Variants in ABCC8 observed in about 807,000 individuals in gnomAD.
ABCC8 encodes ATP-binding cassette sub-family C member 8.
ABCC8 carries 137 observed loss-of-function variants against 188.0 expected under a neutral mutation model. The observed-to-expected ratio is 0.73, with a 90% CI of 0.63 to 0.84. The LOEUF is 0.84. Among genes scored for constraint, ABCC8 ranks in the 40% least tolerant of loss-of-function variants. The pLI is 0.00. For synonymous variants in ABCC8, 797 were observed against 846.5 expected (o/e 0.94, Z 1.01); for missense variants, 1,750 against 2,072.7 (o/e 0.84, Z 3.02).
chr11:17,445,011 G>A (rs140685888), intron 8 of ABCC8, among the ~76,000 whole-genome samples: 100 of 152,288 alleles, frequency 6.6e-4, no homozygotes, highest in African/African-American at 2.3e-3. Flanking sequence ...AAATGAAAAA[G>A]CTTCCTGAGA....
Position 17,463,607 on chromosome 11 carries a change from GC to G in ABCC8, c.413-4del. The G allele has an allele frequency of 6.4e-7, 1 of 1,570,528 alleles. No individual in the cohort carries two copies. Among genetic ancestry groups the G allele is most frequent in the Non-Finnish European group, 8.6e-7 (1 of 1,157,254 alleles). On this transcript the variant is annotated splice_region_variant and splice_polypyrimidine_tract_variant and intron_variant, in intron 3 of 38. Transcript: ENST00000389817. ...CAGGGTCCAATACACCAGCAGGGCT[GC>G]CGAGGAGAGATGGAAGATCGCAGAG...
intron 16 of ABCC8, among the ~76,000 whole-genome samples, chr11:17,424,122 C>T (rs548060884): frequency 3.9e-5 from 6 of 152,180 alleles, no homozygotes; most frequent in African/African-American, 1.2e-4. Flanking sequence ...AATGAGAACA[C>T]GTGGACACAG....
intron 16 of ABCC8, among the ~76,000 whole-genome samples, chr11:17,425,350 G>A (rs1025872992): frequency 2.6e-5 from 4 of 152,176 alleles, no homozygotes; most frequent in African/African-American, 7.2e-5. Flanking sequence ...TGCAGGAAAC[G>A]GGGGTGCATG....
chr11:17,428,429 AC>A (rs759210676), intron 13 of ABCC8, 24 bp from the exon 14 acceptor site: 3 of 1,609,688 alleles, frequency 1.9e-6, no homozygotes, highest in Non-Finnish European at 2.5e-6. Context: ...GGAGGTGAGG[AC>A]CCACTGGGCT....
chr11:17,435,462 G>T (rs1352884972), intron 10 of ABCC8, among the ~76,000 whole-genome samples: 1 of 152,180 alleles, frequency 6.6e-6, no homozygotes, highest in Non-Finnish European at 1.5e-5. Flanking sequence ...AGTTTTTTCA[G>T]CCACCCCATC....
intron 2 of ABCC8, among the ~76,000 whole-genome samples, chr11:17,471,753 A>T (rs1158082982): frequency 1.3e-5 from 2 of 152,248 alleles, no homozygotes; most frequent in Non-Finnish European, 1.5e-5. Flanking sequence ...TGACACACAC[A>T]CACAGGATGG....
chr11:17,457,236 A>G (rs114001401), intron 6 of ABCC8, among the ~76,000 whole-genome samples: 110 of 152,302 alleles, frequency 7.2e-4, no homozygotes, highest in African/African-American at 2.6e-3. Flanking sequence ...ATAGCCACAA[A>G]TATGGCAATC....
At chr11:17,395,317 T>TCC in intron 35 of ABCC8, 42 bp from the exon 36 acceptor site, 1 of 1,553,714 alleles carries the variant, frequency 6.4e-7, no homozygotes, top group Non-Finnish European at 8.7e-7. Context: ...GGGAGCAGGG[T>TCC]CCTGCCTGCA....
intron 8 of ABCC8, among the ~76,000 whole-genome samples, chr11:17,443,825 T>C (rs1200564516): frequency 6.6e-6 from 1 of 152,226 alleles, no homozygotes; most frequent in African/African-American, 2.4e-5. Context: ...ATCTGCCAGG[T>C]ATTCCCTGAA....
At chr11:17,428,228 G>A (rs1387696145) in intron 14 of ABCC8, 61 bp downstream of exon 14, 5 of 1,610,296 alleles carry the variant, frequency 3.1e-6, no homozygotes, top group Non-Finnish European at 4.2e-6. Context: ...TGGCTTTCCA[G>A]GTGCTGAGCT....
chr11:17,396,822 G>T, intron 33 of ABCC8, 94 bp downstream of exon 33: 1 of 1,513,920 alleles, frequency 6.6e-7, no homozygotes, highest in Admixed American at 1.8e-5. Context: ...GCCCTGGAGG[G>T]CCACGAGGTG....
intron 7 of ABCC8, among the ~76,000 whole-genome samples, chr11:17,450,978 C>T (rs953397602): frequency 5.3e-5 from 8 of 152,030 alleles, no homozygotes; most frequent in African/African-American, 9.7e-5. Flanking sequence ...TGAGCCATTG[C>T]GCTCCACCCC....
At chr11:17,428,780 TCCCACAAAG>T (rs987588074) in intron 12 of ABCC8, 110 bp from the exon 13 acceptor site, 3 of 1,544,164 alleles carry the variant, frequency 1.9e-6, no homozygotes, top group Admixed American at 1.9e-5. Flanking sequence ...TGAAGTATAG[TCCCACAAAG>T]CCCACACTGA....
chr11:17,459,746 C>T (rs762166730), intron 6 of ABCC8, among the ~76,000 whole-genome samples: 1 of 152,204 alleles, frequency 6.6e-6, no homozygotes, highest in Non-Finnish European at 1.5e-5. Flanking sequence ...CAACAGAGCA[C>T]AGTCTGCCCA....
chr11:17,432,825 T>C (rs1488801190), intron 10 of ABCC8, among the ~76,000 whole-genome samples: 1 of 152,176 alleles, frequency 6.6e-6, no homozygotes, highest in East Asian at 1.9e-4. Context: ...CTGTTAAACA[T>C]GTGGCCTTTA....
At chr11:17,431,762 T>C (rs1955859037) in intron 11 of ABCC8, among the ~76,000 whole-genome samples, 1 of 152,228 alleles carries the variant, frequency 6.6e-6, no homozygotes, top group Admixed American at 6.5e-5. Context: ...ACTGCATGCA[T>C]AGCACATTCC....
chr11:17,452,657 C>T (rs779866040), intron 7 of ABCC8, among the ~76,000 whole-genome samples: 9 of 152,190 alleles, frequency 5.9e-5, no homozygotes, highest in Admixed American at 1.3e-4. Flanking sequence ...TGGACCAATA[C>T]CCCATCTTAG....
chr11:17,428,527 A>T, intron 13 of ABCC8, 38 bp downstream of exon 13: 1 of 1,612,604 alleles, frequency 6.2e-7, no homozygotes. Context: ...GCCTTAGAGG[A>T]CCATGCTGGG....
rs1168415678 is a variant in ABCC8 at position 17,408,508 on chromosome 11, T to C, written c.2704A>G (p.Met902Val). 1.2e-6 allele frequency: 2 copies of C among 1,611,644 alleles called. No individual in the cohort carries two copies. Among genetic ancestry groups the C allele is most frequent in the East Asian group, 2.2e-5 (1 of 44,866 alleles). Residue 902 changes from methionine (M) to valine (V), a missense_variant, in exon 23 of 39, where the codon ATG (methionine) becomes GTG (valine). Transcript: ENST00000389817. ...TCCCTCTGGATGGTGCCATCCTTCA[T>C]GGCAATGATCTGGAAAGGCAGCAAC... is the stretch of plus-strand genomic sequence containing the variant. Reference protein sequence around the residue: ...YLPHADWIIAMKDGTIQREGT... With the variant: ...YLPHADWIIAVKDGTIQREGT...
Sources: allele counts gnomAD v4.1 joint callset (sites outside exome capture counted in the v4.1 genomes callset), GRCh38; gene constraint gnomAD v4.1.1; transcripts MANE v1.5; gene names NCBI Gene and HGNC (gene_info 2026-07-23, HGNC 2026-07-21).